The following CTNNA3 variants were observed in gnomAD, a reference collection of about 807,000 sequenced individuals.
The protein encoded by CTNNA3 is catenin alpha 3.
Under a neutral mutation model 95.7 loss-of-function variants are expected in CTNNA3, and 76 were observed. That is an observed-to-expected ratio of 0.79 (90% CI 0.66 to 0.96). The LOEUF is 0.96. CTNNA3 is among the 40% of genes least tolerant of loss of function. The probability of loss-of-function intolerance (pLI) is 0.00; values close to 1 mark genes in which losing one functional copy is unlikely to be tolerated. For missense variants in CTNNA3, 1,191 were observed against 1,089.8 expected (o/e 1.09, Z -1.31); for synonymous variants, 431 against 374.4 (o/e 1.15, Z -1.74).
At chr10:67,195,189 G>A (rs112625691) in intron 6 of CTNNA3, among the ~76,000 whole-genome samples, 9,170 of 152,060 alleles carry the variant, frequency 0.06, 384 homozygotes, top group Non-Finnish European at 0.097. Flanking sequence ...TATTGAGTCT[G>A]GGGAGCCATT....
chr10:67,683,477 C>T (rs1168391375), intron 1 of CTNNA3, among the ~76,000 whole-genome samples: 1 of 152,246 alleles, frequency 6.6e-6, no homozygotes, highest in Non-Finnish European at 1.5e-5. Flanking sequence ...AGCAATCCTG[C>T]CTCTCAGTTA....
chr10:67,142,364 A>G (rs1205340915), intron 7 of CTNNA3, among the ~76,000 whole-genome samples: 1 of 152,190 alleles, frequency 6.6e-6, no homozygotes, highest in Admixed American at 6.5e-5. Context: ...GTATTAGTAC[A>G]TACTCACATG....
intron 7 of CTNNA3, among the ~76,000 whole-genome samples, chr10:66,846,252 A>G (rs1843270525): frequency 6.6e-6 from 1 of 152,180 alleles, no homozygotes; most frequent in East Asian, 1.9e-4. Flanking sequence ...GTAAAATCTA[A>G]AAAGTCAAAC....
chr10:66,033,504 G>GCATGTATGCATA (rs2079493300), intron 15 of CTNNA3, among the ~76,000 whole-genome samples: 1 of 151,638 alleles, frequency 6.6e-6, no homozygotes, highest in Non-Finnish European at 1.5e-5. Flanking sequence ...AATCTTGTGT[G>GCATGTATGCATA]CATGTATGCA....
chr10:67,555,763 T>C (rs1052398961), intron 3 of CTNNA3, among the ~76,000 whole-genome samples: 1 of 152,190 alleles, frequency 6.6e-6, no homozygotes, highest in Non-Finnish European at 1.5e-5. Flanking sequence ...TCCTGCCTGA[T>C]TGCCCTGGCC....
At chr10:67,130,085 C>T (rs1859919839) in intron 7 of CTNNA3, among the ~76,000 whole-genome samples, 1 of 152,092 alleles carries the variant, frequency 6.6e-6, no homozygotes, top group African/African-American at 2.4e-5. Flanking sequence ...CTTCCAACAT[C>T]ATGCTTGTTC....
At chr10:67,276,935 T>C (rs1182490310) in intron 5 of CTNNA3, among the ~76,000 whole-genome samples, 1 of 152,030 alleles carries the variant, frequency 6.6e-6, no homozygotes, top group Admixed American at 6.6e-5. Context: ...TTTTATAACA[T>C]ATGTTCATCT....
intron 6 of CTNNA3, among the ~76,000 whole-genome samples, chr10:67,204,461 G>T (rs1194741027): frequency 6.6e-6 from 1 of 152,090 alleles, no homozygotes; most frequent in Non-Finnish European, 1.5e-5. Flanking sequence ...TCCTGAGGCT[G>T]CCCAGAAGCT....
At chr10:66,443,403 C>T (rs553054061) in intron 11 of CTNNA3, among the ~76,000 whole-genome samples, 21 of 152,240 alleles carry the variant, frequency 1.4e-4, no homozygotes, top group African/African-American at 2.6e-4. Flanking sequence ...TGGGAGGCGC[C>T]CCCCAGTAGG....
intron 7 of CTNNA3, among the ~76,000 whole-genome samples, chr10:67,083,408 A>C (rs1857145539): frequency 6.6e-6 from 1 of 152,144 alleles, no homozygotes; most frequent in African/African-American, 2.4e-5. Context: ...GCAAAAAAAA[A>C]AAGTATAGTC....
chr10:67,392,637 C>A (rs558421596), intron 5 of CTNNA3, among the ~76,000 whole-genome samples: 554 of 152,268 alleles, frequency 3.6e-3, no homozygotes, highest in Non-Finnish European at 6.6e-3. Context: ...TTCACAAGAG[C>A]AAAGACTTGG....
chr10:66,941,417 T>A (rs1564783149), intron 7 of CTNNA3, among the ~76,000 whole-genome samples: 1 of 152,222 alleles, frequency 6.6e-6, no homozygotes, highest in East Asian at 1.9e-4. Context: ...GGAGAATATC[T>A]TAGGTTCCTC....
At chr10:67,560,555 G>A (rs558043286) in intron 3 of CTNNA3, among the ~76,000 whole-genome samples, 46 of 152,238 alleles carry the variant, frequency 3.0e-4, no homozygotes, top group African/African-American at 1.0e-3. Context: ...AAACACCATC[G>A]AGGCTAGGAA....
At chr10:66,885,981 A>G (rs1845027496) in intron 7 of CTNNA3, among the ~76,000 whole-genome samples, 1 of 152,134 alleles carries the variant, frequency 6.6e-6, no homozygotes, top group Non-Finnish European at 1.5e-5. Context: ...TCAAAAATGT[A>G]TAGAAATGTC....
chr10:66,578,588 T>C (rs1843079974), intron 10 of CTNNA3, among the ~76,000 whole-genome samples: 1 of 152,118 alleles, frequency 6.6e-6, no homozygotes, highest in South Asian at 2.1e-4. Flanking sequence ...GTGGTTTTTG[T>C]TGGTAATTCT....
chr10:66,728,084 T>C (rs1378889818), intron 9 of CTNNA3, among the ~76,000 whole-genome samples: 1 of 152,176 alleles, frequency 6.6e-6, no homozygotes, highest in South Asian at 2.1e-4. Flanking sequence ...ATATTGCACA[T>C]ACATATTAAC....
At chr10:67,189,637 T>G (rs868541366) in intron 6 of CTNNA3, among the ~76,000 whole-genome samples, 4 of 148,868 alleles carry the variant, frequency 2.7e-5, no homozygotes, top group Admixed American at 2.0e-4. Context: ...TAAAAAACAG[T>G]CTGGATGTGA....
chr10:66,457,250 A>C (rs1283855582), intron 11 of CTNNA3, among the ~76,000 whole-genome samples: 1 of 152,184 alleles, frequency 6.6e-6, no homozygotes, highest in East Asian at 1.9e-4. Flanking sequence ...AAAAGACACT[A>C]TTAGGAAAAT....
intron 5 of CTNNA3, among the ~76,000 whole-genome samples, chr10:67,431,628 GA>G (rs1474808428): frequency 1.3e-5 from 2 of 151,850 alleles, no homozygotes; most frequent in African/African-American, 4.8e-5. Flanking sequence ...CTGAGAATAT[GA>G]AATAACCCAA....
Sources: gnomAD v4.1 joint callset for allele counts (sites outside exome capture counted in the v4.1 genomes callset) on GRCh38, gnomAD v4.1.1 for gene constraint, MANE v1.5 for transcripts, NCBI Gene and HGNC (gene_info 2026-07-23, HGNC 2026-07-21) for gene names.